Variants in CSMD1 observed in about 807,000 individuals in gnomAD.
The protein encoded by CSMD1 is CUB and Sushi multiple domains 1, also known as CUB and sushi domain-containing protein 1.
A neutral mutation model predicts 417.5 loss-of-function variants in CSMD1; 213 were observed. That is an observed-to-expected ratio of 0.51 (90% CI 0.46 to 0.57). The LOEUF (loss-of-function observed/expected upper bound fraction) is 0.57, where lower values mean the gene tolerates loss of function less well. Among genes scored for constraint, CSMD1 ranks in the 20% least tolerant of loss-of-function variants. The pLI is 0.00. For synonymous variants in CSMD1, 2,862 were observed against 1,736.8 expected (o/e 1.65, Z -16.11); for missense variants, 6,923 against 4,529.7 (o/e 1.53, Z -15.17).
chr8:4,069,094 T>G (rs1799409593), intron 3 of CSMD1, among the ~76,000 whole-genome samples: 2 of 152,224 alleles, frequency 1.3e-5, no homozygotes, highest in African/African-American at 2.4e-5. Flanking sequence ...GACTTTGTCA[T>G]GGACTCCATT....
intron 3 of CSMD1, among the ~76,000 whole-genome samples, chr8:4,219,639 T>C (rs929828830): frequency 2.6e-5 from 4 of 152,224 alleles, no homozygotes; most frequent in African/African-American, 9.6e-5. Flanking sequence ...AAGCAAATCT[T>C]TGTTCACTAA....
chr8:3,387,690 C>T lies in CSMD1; in HGVS notation c.2594-8G>A, dbSNP rs1462486170. On this transcript the variant is annotated splice_region_variant and splice_polypyrimidine_tract_variant and intron_variant, in intron 17 of 69. Transcript: ENST00000635120. ...CCGACTCAAGCGTCACACCTGGATG[C>T]ACAGAACGAATGCAGTCGATGAGGA... The T allele has an allele frequency of 1.3e-6, 2 of 1,588,132 alleles. No individual in the cohort carries two copies. Among genetic ancestry groups the T allele is most frequent in the South Asian group, 2.3e-5 (2 of 87,130 alleles).
chr8:4,045,684 C>A (rs898268277), intron 3 of CSMD1, among the ~76,000 whole-genome samples: 1 of 152,096 alleles, frequency 6.6e-6, no homozygotes, highest in Non-Finnish European at 1.5e-5. Flanking sequence ...AGTAGAGAAC[C>A]TAAGAGTCAA....
chr8:3,297,894 G>A (rs961743128), intron 25 of CSMD1, among the ~76,000 whole-genome samples: 1 of 152,080 alleles, frequency 6.6e-6, no homozygotes. Context: ...AAAAACCTGT[G>A]TTTATCAAAA....
In CSMD1 at chr8:3,813,043, G is replaced by A. The variant is rs189085601; in HGVS notation, c.819-59001C>T. ...TATATTGTGACAGCATTTAAAAATT[G>A]AGTGTTGTATAAAGGCTGGTATACC... On this transcript the variant is annotated intron_variant, in intron 5 of 69. Coordinates refer to ENST00000635120, the MANE Select transcript of CSMD1 (RefSeq NM_033225.6). 2.4e-4 allele frequency among the ~76,000 whole-genome samples: 37 copies of A among 151,120 alleles called. No homozygotes were observed. In the East Asian group the frequency reaches 7.0e-3, roughly 29 times the overall value.
intron 2 of CSMD1, among the ~76,000 whole-genome samples, chr8:4,522,895 TC>T (rs1803547282): frequency 6.6e-6 from 1 of 152,118 alleles, no homozygotes; most frequent in South Asian, 2.1e-4. Context: ...ACTTCCATAA[TC>T]CTAAGGATCC....
chr8:3,615,434 CA>C (rs1436472021), intron 8 of CSMD1, among the ~76,000 whole-genome samples: 2 of 152,282 alleles, frequency 1.3e-5, no homozygotes, highest in East Asian at 3.9e-4. Context: ...TAAGAAATTT[CA>C]TCTCAAGCTC....
intron 3 of CSMD1, among the ~76,000 whole-genome samples, chr8:4,195,462 T>C (rs1298849336): frequency 6.6e-6 from 1 of 152,192 alleles, no homozygotes. Context: ...CAGTACAGCC[T>C]TAATGTGCTC....
intron 2 of CSMD1, among the ~76,000 whole-genome samples, chr8:4,566,957 T>G (rs1585259851): frequency 6.6e-6 from 1 of 150,956 alleles, no homozygotes; most frequent in East Asian, 2.0e-4. Context: ...CAATCGAGAC[T>G]TTAGCAGTCT....
At chr8:4,638,829 C>G (rs1260839837) in intron 1 of CSMD1, among the ~76,000 whole-genome samples, 1 of 152,180 alleles carries the variant, frequency 6.6e-6, no homozygotes, top group East Asian at 1.9e-4. Context: ...ACCTTGAAGC[C>G]ACTGAGCAGT....
At chr8:3,421,927 G>A (rs1585140814) in intron 12 of CSMD1, among the ~76,000 whole-genome samples, 1 of 151,104 alleles carries the variant, frequency 6.6e-6, no homozygotes, top group African/African-American at 2.5e-5. Flanking sequence ...CGTGAGCCAC[G>A]GCGCCCGGCC....
At chr8:3,096,050 A>G (rs1442656948) in intron 47 of CSMD1, among the ~76,000 whole-genome samples, 1 of 152,168 alleles carries the variant, frequency 6.6e-6, no homozygotes, top group Non-Finnish European at 1.5e-5. Context: ...TTAGATGACA[A>G]AAATACCTCT....
chr8:3,122,433 C>T (rs1817262716), intron 41 of CSMD1, among the ~76,000 whole-genome samples: 1 of 152,038 alleles, frequency 6.6e-6, no homozygotes, highest in Non-Finnish European at 1.5e-5. Flanking sequence ...ATAAAGTTTG[C>T]AAAATAAAAA....
chr8:3,240,474 G>A (rs576601344), intron 26 of CSMD1, among the ~76,000 whole-genome samples: 2 of 152,132 alleles, frequency 1.3e-5, no homozygotes, highest in African/African-American at 2.4e-5. Context: ...AGCTGAACAC[G>A]ATTGGCAGGG....
intron 3 of CSMD1, among the ~76,000 whole-genome samples, chr8:4,353,437 G>C (rs534172786): frequency 4.6e-5 from 7 of 151,976 alleles, no homozygotes; most frequent in African/African-American, 1.2e-4. Flanking sequence ...ACCTATTCTC[G>C]AGTATGTCTT....
intron 2 of CSMD1, among the ~76,000 whole-genome samples, chr8:4,441,096 T>TTTTTTTTTTTTTTTTTTTTTTTTTG (rs1798447256): frequency 1.8e-5 from 1 of 55,614 alleles, no homozygotes; most frequent in Non-Finnish European, 3.3e-5. Flanking sequence ...AATCAAAAGG[T>TTTTTTTTTTTTTTTTTTTTTTTTTG]TTTTTTTTTT....
chr8:3,979,943 A>G (rs181281777), intron 5 of CSMD1, among the ~76,000 whole-genome samples: 1 of 152,358 alleles, frequency 6.6e-6, no homozygotes. Context: ...AATATGAACT[A>G]TAGCTTCAGC....
At chr8:3,296,255 G>T (rs117700149) in intron 25 of CSMD1, among the ~76,000 whole-genome samples, 3 of 151,554 alleles carry the variant, frequency 2.0e-5, no homozygotes, top group Non-Finnish European at 2.9e-5. Context: ...GGTGTTTGTC[G>T]CATCCTGTGA....
At chr8:3,374,850 C>G (rs1810205690) in intron 18 of CSMD1, among the ~76,000 whole-genome samples, 1 of 152,166 alleles carries the variant, frequency 6.6e-6, no homozygotes, top group Non-Finnish European at 1.5e-5. Context: ...CCATCACTTC[C>G]CCAGACCCTG....
Sources: allele counts gnomAD v4.1 joint callset (sites outside exome capture counted in the v4.1 genomes callset), GRCh38; gene constraint gnomAD v4.1.1; transcripts MANE v1.5; gene names NCBI Gene and HGNC (gene_info 2026-07-23, HGNC 2026-07-21).